Variants in FOXN3 observed in about 807,000 individuals in gnomAD.
FOXN3 encodes forkhead box protein N3.
A neutral mutation model predicts 38.4 loss-of-function variants in FOXN3; 7 were observed. That is an observed-to-expected ratio of 0.18 (90% CI 0.10 to 0.34). FOXN3 has a LOEUF of 0.34. FOXN3 is among the 10% of genes least tolerant of loss of function. The pLI, the probability that FOXN3 is intolerant of heterozygous loss-of-function variation, is 1.00. For synonymous variants in FOXN3, 230 were observed against 242.2 expected, an observed-to-expected ratio of 0.95 and a Z score of 0.47; for missense variants, 456 against 613.4, an observed-to-expected ratio of 0.74 and a Z score of 2.71.
intron 3 of FOXN3, among the ~76,000 whole-genome samples, chr14:89,294,704 T>C (rs539988161): frequency 6.6e-6 from 1 of 152,306 alleles, no homozygotes; most frequent in Admixed American, 6.5e-5. Context: ...CACAGCACCA[T>C]GACAGTTTAC....
intron 1 of FOXN3, among the ~76,000 whole-genome samples, chr14:89,601,231 A>G (rs1156267036): frequency 6.6e-6 from 1 of 152,236 alleles, no homozygotes; most frequent in Non-Finnish European, 1.5e-5. Flanking sequence ...TCCTATTCAT[A>G]ATCTGCATAT....
chr14:89,546,334 T>TTTTTC (rs1566694451), intron 1 of FOXN3, among the ~76,000 whole-genome samples: 1 of 118,346 alleles, frequency 8.4e-6, no homozygotes, highest in Non-Finnish European at 1.8e-5. Flanking sequence ...TTTTTCTTTT[T>TTTTTC]TTTTTTTTTT....
intron 4 of FOXN3, among the ~76,000 whole-genome samples, chr14:89,240,279 GA>G (rs60891025): frequency 0.18 from 25,960 of 141,768 alleles, 2,250 homozygotes; most frequent in Middle Eastern, 0.23. Flanking sequence ...AATTCAATAG[GA>G]AAAAAAAAAA....
intron 1 of FOXN3, among the ~76,000 whole-genome samples, chr14:89,517,812 C>T (rs1894236434): frequency 6.6e-6 from 1 of 152,176 alleles, no homozygotes; most frequent in Admixed American, 6.5e-5. Context: ...TCCCTGCTAC[C>T]AAGATCAATG....
chr14:89,327,824 G>C (rs1477362014), intron 3 of FOXN3, among the ~76,000 whole-genome samples: 1 of 152,176 alleles, frequency 6.6e-6, no homozygotes, highest in Middle Eastern at 3.2e-3. Context: ...ATAATAAGCA[G>C]AGGCTACCAG....
intron 2 of FOXN3, among the ~76,000 whole-genome samples, chr14:89,405,360 C>T (rs891223887): frequency 6.6e-6 from 1 of 152,142 alleles, no homozygotes; most frequent in Non-Finnish European, 1.5e-5. Flanking sequence ...TGGTCTTGAA[C>T]TCCTGGCCTC....
At chr14:89,239,324 T>G (rs114646509) in intron 4 of FOXN3, among the ~76,000 whole-genome samples, 3,422 of 152,298 alleles carry the variant, frequency 0.022, 130 homozygotes, top group African/African-American at 0.078. Flanking sequence ...TAAGCGGGGT[T>G]TAAGAGATCC....
chr14:89,267,446 G>T (rs968392706), intron 4 of FOXN3, among the ~76,000 whole-genome samples: 2 of 152,192 alleles, frequency 1.3e-5, no homozygotes, highest in African/African-American at 4.8e-5. Context: ...GCAGGGGCTG[G>T]GGCGGTGCTC....
chr14:89,475,094 G>A (rs944502511), intron 1 of FOXN3, among the ~76,000 whole-genome samples: 12 of 151,996 alleles, frequency 7.9e-5, no homozygotes, highest in African/African-American at 2.9e-4. Flanking sequence ...GATTACAGGC[G>A]TGAGCCACCG....
intron 4 of FOXN3, among the ~76,000 whole-genome samples, chr14:89,233,690 G>A (rs1884889513): frequency 2.0e-5 from 3 of 152,170 alleles, no homozygotes; most frequent in African/African-American, 7.2e-5. Flanking sequence ...CACAGAATCT[G>A]GAGTCTCTAG....
At chr14:89,530,816 G>T (rs1894544900) in intron 1 of FOXN3, among the ~76,000 whole-genome samples, 1 of 150,410 alleles carries the variant, frequency 6.6e-6, no homozygotes, top group Non-Finnish European at 1.5e-5. Flanking sequence ...CACCATGTTG[G>T]CCAGGCTGGT....
chr14:89,555,054 G>A (rs1395790110), intron 1 of FOXN3, among the ~76,000 whole-genome samples: 1 of 152,134 alleles, frequency 6.6e-6, no homozygotes, highest in African/African-American at 2.4e-5. Context: ...GCCTCCCAAA[G>A]TGCTGGGATT....
At chr14:89,524,959 T>C (rs1257547017) in intron 1 of FOXN3, among the ~76,000 whole-genome samples, 3 of 152,104 alleles carry the variant, frequency 2.0e-5, no homozygotes, top group Non-Finnish European at 4.4e-5. Context: ...GAGACCCTCA[T>C]AGTTAGGCAG....
chr14:89,163,779 G>A lies in FOXN3; in HGVS notation c.852-810C>T, dbSNP rs1220568984. Among the ~76,000 whole-genome samples the A allele has an allele frequency of 6.6e-6, 1 of 152,196 alleles. No individual in the cohort carries two copies. The highest frequency in any genetic ancestry group is 1.5e-5 in the Non-Finnish European group (1 of 68,034). On this transcript the variant is annotated intron_variant, in intron 5 of 5. Coordinates refer to ENST00000557258, the MANE Select transcript of FOXN3 (RefSeq NM_005197.4). This position sits in a 1 kb window ranked among gnomAD's most constrained non-coding sequence, Gnocchi z 4.3. ...ACAGTGGCTCGAAGTGAAGCCTGGA[G>A]AAGTTCAGTGATGTACTTAAAGTCA... is the stretch of plus-strand genomic sequence containing the variant.
chr14:89,521,346 A>G (rs1894312641), intron 1 of FOXN3, among the ~76,000 whole-genome samples: 1 of 134,916 alleles, frequency 7.4e-6, no homozygotes, highest in African/African-American at 3.1e-5. Flanking sequence ...ATGAATCTTC[A>G]TAGATGATAG....
intron 1 of FOXN3, among the ~76,000 whole-genome samples, chr14:89,574,096 G>A (rs1311173850): frequency 1.3e-5 from 2 of 152,122 alleles, no homozygotes; most frequent in African/African-American, 4.8e-5. Context: ...CTTTTTTAAG[G>A]AGATAGGAGG....
At chr14:89,459,910 T>C (rs980899231) in intron 1 of FOXN3, among the ~76,000 whole-genome samples, 3 of 152,086 alleles carry the variant, frequency 2.0e-5, no homozygotes, top group Admixed American at 2.0e-4. Context: ...CGTGGGATGA[T>C]AACAGCTTAC....
At chr14:89,373,985 G>A (rs1890396538) in intron 2 of FOXN3, among the ~76,000 whole-genome samples, 1 of 152,118 alleles carries the variant, frequency 6.6e-6, no homozygotes, top group Non-Finnish European at 1.5e-5. Context: ...GTAAACTAGG[G>A]CCAGGGGTGG....
At position 89,324,439 on chromosome 14, in the gene FOXN3, T is replaced by TGTGC. The variant is rs1309090918; in HGVS notation, c.680+26229_680+26232dup. On this transcript the variant is annotated intron_variant, in intron 3 of 5. Transcript: ENST00000557258. ...TGATTTGGTTTGAAACAGCTAAGTG[T>TGTGC]GTGCGTGTGTGTGTGTGTGTGTGTG... 5.1e-3 allele frequency among the ~76,000 whole-genome samples: 568 copies of TGTGC among 110,406 alleles called. 2 individuals carry two copies. Among genetic ancestry groups the TGTGC allele is most frequent in the African/African-American group, 0.02 (541 of 27,148 alleles). 72.4% of individuals were successfully genotyped at this position (110,406 alleles called of 152,430 possible).
Sources: allele counts gnomAD v4.1 joint callset (sites outside exome capture counted in the v4.1 genomes callset), GRCh38; gene constraint gnomAD v4.1.1; non-coding constraint Gnocchi (gnomAD v3.1); transcripts MANE v1.5; gene names NCBI Gene and HGNC (gene_info 2026-07-23, HGNC 2026-07-21).